Variants in AKAP6 observed in about 807,000 individuals in gnomAD.
AKAP6 encodes the protein A-kinase anchor protein 6.
AKAP6 carries 58 observed loss-of-function variants against 188.5 expected under a neutral mutation model. The ratio of observed to expected loss-of-function variants is 0.31; its 90% CI spans 0.25 to 0.38. The LOEUF is 0.38. AKAP6 is among the 10% of genes least tolerant of loss of function. AKAP6 has a pLI of 1.00. For synonymous variants in AKAP6, 989 were observed against 998.6 expected (o/e 0.99, Z 0.18); for missense variants, 2,710 against 2,740.0 (o/e 0.99, Z 0.24).
intron 12 of AKAP6, among the ~76,000 whole-genome samples, chr14:32,786,306 T>TTTTTTGTTTTTTTG (rs1555362338): frequency 2.2e-5 from 2 of 90,202 alleles, no homozygotes; most frequent in Non-Finnish European, 4.8e-5. Flanking sequence ...ATCTTTTTTT[T>TTTTTTGTTTTTTTG]TTTTTTTTTT....
At chr14:32,593,645 C>T (rs1306636216) in intron 5 of AKAP6, among the ~76,000 whole-genome samples, 1 of 152,156 alleles carries the variant, frequency 6.6e-6, no homozygotes, top group East Asian at 1.9e-4. Flanking sequence ...GCTGCCTATG[C>T]TTAACTGCCT....
Position 32,388,508 on chromosome 14 carries a change from A to G in AKAP6, c.-34-44952A>G, listed in dbSNP as rs144247821. On this transcript the variant is annotated intron_variant, in intron 1 of 13. Coordinates refer to ENST00000280979, the MANE Select transcript of AKAP6 (RefSeq NM_004274.5). The stretch of plus-strand genomic sequence containing the variant: ...GTTTAGGGCTATGAACTTTCCTCTT[A>G]ACACTGCCTTTGCTATGACCCAGAG... 1.2e-3 allele frequency among the ~76,000 whole-genome samples: 190 copies of G among 152,136 alleles called. 1 individual carries two copies. The highest frequency in any genetic ancestry group is 4.3e-3 in the African/African-American group (177 of 41,528).
chr14:32,507,882 C>T (rs559366945), intron 2 of AKAP6, among the ~76,000 whole-genome samples: 2 of 152,282 alleles, frequency 1.3e-5, no homozygotes, highest in African/African-American at 4.8e-5. Flanking sequence ...AACCCATGTT[C>T]TCTGAAATGA....
At chr14:32,547,037 G>T in intron 4 of AKAP6, 38 bp downstream of exon 4, 1 of 1,544,066 alleles carries the variant, frequency 6.5e-7, no homozygotes. Flanking sequence ...TTTCTCACTT[G>T]AGTTTTGGAA....
chr14:32,462,916 A>AAAAAAAAAAAAAAAAAAAAAAAAAAAC (rs1891389540), intron 2 of AKAP6, among the ~76,000 whole-genome samples: 2 of 93,800 alleles, frequency 2.1e-5, no homozygotes, highest in African/African-American at 7.0e-5. Context: ...AAAAAAAAAA[A>AAAAAAAAAAAAAAAAAAAAAAAAAAAC]AAAAAAAAAA....
intron 1 of AKAP6, among the ~76,000 whole-genome samples, chr14:32,420,907 A>G (rs1242106089): frequency 3.5e-5 from 1 of 28,506 alleles, no homozygotes; most frequent in Non-Finnish European, 6.2e-5. Flanking sequence ...CAGGAGATTG[A>G]TTTGTGTGTG....
intron 2 of AKAP6, chr14:32,442,714 T>C (rs1890622440): frequency 6.6e-6 from 1 of 152,126 alleles, no homozygotes; most frequent in Non-Finnish European, 1.5e-5. Context: ...GGGGGCTTAT[T>C]TTATTAAGAA....
intron 12 of AKAP6, among the ~76,000 whole-genome samples, chr14:32,813,774 G>A (rs577992643): frequency 5.9e-5 from 9 of 152,018 alleles, no homozygotes; most frequent in Middle Eastern, 3.4e-3. Context: ...CTTTCTTCTC[G>A]GAATTCCTTC....
chr14:32,466,846 T>TATATATATATATATA lies in AKAP6; in HGVS notation c.324+33029_324+33030insATATATATATATATA, dbSNP rs879653303. Among the ~76,000 whole-genome samples the TATATATATATATATA allele has an allele frequency of 9.8e-4, 140 of 142,580 alleles. 1 individual carries two copies. Among genetic ancestry groups the TATATATATATATATA allele is most frequent in the African/African-American group, 1.7e-3 (62 of 36,214 alleles). The allele number at this position is 142,580 out of a possible 152,430, so 93.5% of individuals were successfully genotyped here. ...ACAAGATTATATATATATATATATA[T>TATATATATATATATA]TTTCTTTCTTAGCAAGACTAATTCA... is the stretch of plus-strand genomic sequence containing the variant. On this transcript the variant is annotated intron_variant, in intron 2 of 13. Transcript: ENST00000280979.
chr14:32,759,745 G>A (rs190934585), intron 11 of AKAP6, among the ~76,000 whole-genome samples: 46 of 152,172 alleles, frequency 3.0e-4, no homozygotes, highest in African/African-American at 9.9e-4. Flanking sequence ...AAGGGGGATG[G>A]GGAGGTGCCA....
At chr14:32,810,832 C>T (rs569283245) in intron 12 of AKAP6, among the ~76,000 whole-genome samples, 2 of 152,168 alleles carry the variant, frequency 1.3e-5, no homozygotes, top group Non-Finnish European at 1.5e-5. Context: ...ATTAGACCAT[C>T]TTAAGAAAAT....
At chr14:32,360,924 T>G (rs1482715412) in intron 1 of AKAP6, among the ~76,000 whole-genome samples, 2 of 151,742 alleles carry the variant, frequency 1.3e-5, no homozygotes, top group Admixed American at 6.6e-5. Flanking sequence ...AAAAAAATTT[T>G]TTTTGTAGAG....
At chr14:32,716,262 A>G (rs1455907739) in intron 9 of AKAP6, among the ~76,000 whole-genome samples, 4 of 151,896 alleles carry the variant, frequency 2.6e-5, no homozygotes, top group South Asian at 2.1e-4. Flanking sequence ...TTACATATGT[A>G]TAGGTTTTAA....
chr14:32,774,199 A>G (rs1372488105), intron 12 of AKAP6, among the ~76,000 whole-genome samples: 1 of 152,220 alleles, frequency 6.6e-6, no homozygotes, highest in Non-Finnish European at 1.5e-5. Flanking sequence ...TTACCAACCT[A>G]AGCCATTAAT....
At chr14:32,377,167 G>T (rs921102552) in intron 1 of AKAP6, among the ~76,000 whole-genome samples, 1 of 152,256 alleles carries the variant, frequency 6.6e-6, no homozygotes, top group Admixed American at 6.5e-5. Context: ...TTTAAAGTCG[G>T]ACTTGGATTT....
In AKAP6 at chr14:32,423,238, C is replaced by G. The variant is rs183806465; in HGVS notation, c.-34-10222C>G. 8.7e-3 allele frequency among the ~76,000 whole-genome samples: 1,317 copies of G among 152,220 alleles called. 7 individuals are homozygous for G. Among genetic ancestry groups the G allele is most frequent in the Non-Finnish European group, 0.014 (936 of 68,004 alleles). On this transcript the variant is annotated intron_variant, in intron 1 of 13. Coordinates refer to ENST00000280979, the MANE Select transcript of AKAP6 (RefSeq NM_004274.5). ...AGGCTGGAATACAGTGGTGAGATCACAGTTCACTGCAGCCTTGACCTCTTG... is the reference window on the plus strand; with the variant it reads ...AGGCTGGAATACAGTGGTGAGATCAGAGTTCACTGCAGCCTTGACCTCTTG...
At chr14:32,583,428 C>CA (rs1885074000) in intron 5 of AKAP6, among the ~76,000 whole-genome samples, 1 of 152,190 alleles carries the variant, frequency 6.6e-6, no homozygotes, top group Non-Finnish European at 1.5e-5. Flanking sequence ...TTAGGCTGCT[C>CA]GGGGGTCAGG....
At chr14:32,401,612 A>C (rs1233888282) in intron 1 of AKAP6, among the ~76,000 whole-genome samples, 1 of 152,146 alleles carries the variant, frequency 6.6e-6, no homozygotes, top group Non-Finnish European at 1.5e-5. Flanking sequence ...TTTCTAGTTG[A>C]ATGCATGATG....
At chr14:32,671,517 A>G (rs1393602579) in intron 7 of AKAP6, among the ~76,000 whole-genome samples, 1 of 152,060 alleles carries the variant, frequency 6.6e-6, no homozygotes, top group African/African-American at 2.4e-5. Context: ...CCGATGGAAA[A>G]ACAACGGCAT....
Sources: allele counts gnomAD v4.1 joint callset (sites outside exome capture counted in the v4.1 genomes callset), GRCh38; gene constraint gnomAD v4.1.1; transcripts MANE v1.5; gene names NCBI Gene and HGNC (gene_info 2026-07-23, HGNC 2026-07-21).